GALNT18: variants seen among roughly 807,000 people sequenced by gnomAD.
GALNT18 encodes the protein GalNAc-transferase 18.
In GALNT18, 44 loss-of-function variants were observed where a neutral mutation model predicts 69.5. The ratio of observed to expected loss-of-function variants is 0.63; its 90% CI spans 0.50 to 0.81. The LOEUF (loss-of-function observed/expected upper bound fraction) is 0.81, where lower values mean the gene tolerates loss of function less well. GALNT18 is among the 40% of genes least tolerant of loss of function. The pLI is 0.00. For missense variants in GALNT18, 715 were observed against 810.0 expected (o/e 0.88, Z 1.42); for synonymous variants, 364 against 318.2 (o/e 1.14, Z -1.53).
chr11:11,301,865 G>A (rs1047215189), intron 9 of GALNT18, among the ~76,000 whole-genome samples: 2 of 152,212 alleles, frequency 1.3e-5, no homozygotes, highest in African/African-American at 4.8e-5. Flanking sequence ...GCAGGAGGAT[G>A]GGTAGAATAT....
chr11:11,353,235 G>A (rs1850456369), intron 6 of GALNT18: 4 of 1,323,552 alleles, frequency 3.0e-6, no homozygotes, highest in Admixed American at 4.0e-5. Context: ...TCACACTGTG[G>A]TGGAAGCGGC....
At chr11:11,513,269 G>C (rs1381346072) in intron 1 of GALNT18, among the ~76,000 whole-genome samples, 2 of 152,188 alleles carry the variant, frequency 1.3e-5, no homozygotes, top group Non-Finnish European at 2.9e-5. Context: ...CCCTCCAAAG[G>C]CTGGCAGCAA....
chr11:11,427,320 CTGCCCTGTTCCTT>C (rs1291273102), intron 3 of GALNT18, among the ~76,000 whole-genome samples: 3 of 152,212 alleles, frequency 2.0e-5, no homozygotes, highest in Admixed American at 6.5e-5. Context: ...CAGTGATTGA[CTGCCCTGTTCCTT>C]TGCCCTGTTC....
chr11:11,446,087 T>C, intron 2 of GALNT18, among the ~76,000 whole-genome samples: 1 of 152,194 alleles, frequency 6.6e-6, no homozygotes, highest in Non-Finnish European at 1.5e-5. Flanking sequence ...CGATCCGGCA[T>C]CTGAGACATG....
intron 3 of GALNT18, among the ~76,000 whole-genome samples, chr11:11,425,992 CT>C (rs1043050634): frequency 1.3e-5 from 2 of 152,198 alleles, no homozygotes; most frequent in African/African-American, 4.8e-5. Context: ...AGTCTGGTAA[CT>C]GAAACCAGCA....
intron 1 of GALNT18, among the ~76,000 whole-genome samples, chr11:11,487,415 A>C (rs933394504): frequency 6.6e-6 from 1 of 152,220 alleles, no homozygotes; most frequent in Non-Finnish European, 1.5e-5. Flanking sequence ...TATGGAAATA[A>C]AAAATGTAAA....
rs985550698 is a variant in GALNT18, at chr11:11,332,238, A to G, written c.1416+456T>C. Among the ~76,000 whole-genome samples the G allele has an allele frequency of 6.6e-6, 1 of 152,100 alleles. No individual in the cohort carries two copies. Among genetic ancestry groups the G allele is most frequent in the Admixed American group, 6.5e-5 (1 of 15,270 alleles). ...CAGTACTAAAAATACAGCAAATAAA[A>G]TAAATTCAAGATGGCTCTGTCTCTA... is the stretch of plus-strand genomic sequence containing the variant. On this transcript the variant is annotated intron_variant, in intron 8 of 10. Coordinates refer to ENST00000227756, the MANE Select transcript of GALNT18 (RefSeq NM_198516.3). The surrounding 1 kb of genome is among the most constrained non-coding windows in gnomAD (Gnocchi z 4.3).
intron 1 of GALNT18, among the ~76,000 whole-genome samples, chr11:11,530,793 G>A (rs924454397): frequency 2.6e-5 from 4 of 152,306 alleles, no homozygotes; most frequent in East Asian, 3.9e-4. Context: ...CACCACAAAC[G>A]TACTGTCCAC....
intron 3 of GALNT18, among the ~76,000 whole-genome samples, chr11:11,424,443 A>G (rs1446427833): frequency 6.6e-6 from 1 of 151,732 alleles, no homozygotes; most frequent in African/African-American, 2.4e-5. Context: ...TCTTTTTTAG[A>G]CCCTCTGAGA....
In GALNT18 at chr11:11,389,429, C is replaced by T. The variant is rs1854128580; in HGVS notation, c.596-10165G>A. ...ATGACCTTGGCAAAGGGCCACCTCG[C>T]CTTTGTACTTCCTGGGGCTGTGTGA... On this transcript the variant is annotated intron_variant, in intron 3 of 10. Coordinates refer to ENST00000227756, the MANE Select transcript of GALNT18 (RefSeq NM_198516.3). The surrounding 1 kb of genome is among the most constrained non-coding windows in gnomAD (Gnocchi z 4.3). Among the ~76,000 whole-genome samples the T allele has an allele frequency of 6.6e-6, 1 of 152,194 alleles. No homozygotes were observed. The highest frequency in any genetic ancestry group is 1.5e-5 in the Non-Finnish European group (1 of 68,040).
chr11:11,345,834 G>T lies in GALNT18; in HGVS notation c.1093-4830C>A, dbSNP rs541378434. Among the ~76,000 whole-genome samples, 72 of 152,264 alleles carry T rather than the reference G, an allele frequency of 4.7e-4. 1 individual carries two copies. The South Asian group carries it at 0.015, about 31-fold the overall frequency. On this transcript the variant is annotated intron_variant, in intron 6 of 10. Coordinates refer to ENST00000227756, the MANE Select transcript of GALNT18 (RefSeq NM_198516.3). ...AAGGCAGGTGTGGTCGCAGGGAACA[G>T]GGCACAGGAAGAAACCACCAAGATG... is the stretch of plus-strand genomic sequence containing the variant.
intron 9 of GALNT18, among the ~76,000 whole-genome samples, chr11:11,296,530 A>C (rs186622271): frequency 6.6e-6 from 1 of 152,306 alleles, no homozygotes; most frequent in East Asian, 1.9e-4. Context: ...GGAGCCAGTC[A>C]TTCCCATGTT....
chr11:11,508,333 T>C (rs1454405844), intron 1 of GALNT18, among the ~76,000 whole-genome samples: 2 of 152,218 alleles, frequency 1.3e-5, no homozygotes, highest in Non-Finnish European at 2.9e-5. Context: ...TTAATATCTC[T>C]TTATTAGATT....
intron 5 of GALNT18, among the ~76,000 whole-genome samples, chr11:11,373,583 A>C (rs780450544): frequency 7.9e-5 from 12 of 152,206 alleles, no homozygotes; most frequent in Non-Finnish European, 1.5e-4. Flanking sequence ...GCTTAGGTAC[A>C]TGGCCTGGGT....
intron 1 of GALNT18, among the ~76,000 whole-genome samples, chr11:11,528,820 G>C (rs1857577128): frequency 6.6e-6 from 1 of 152,242 alleles, no homozygotes; most frequent in African/African-American, 2.4e-5. Context: ...TATAGGGGAA[G>C]AGGGCATGGG....
chr11:11,339,277 G>T lies in GALNT18; in HGVS notation c.1278+1542C>A, dbSNP rs774579777. ...ATTTGAACTACCACCTTGAGGAGTC[G>T]CAGACAGACACTGAATTTCATCATT... On this transcript the variant is annotated intron_variant, in intron 7 of 10. Coordinates refer to ENST00000227756, the MANE Select transcript of GALNT18 (RefSeq NM_198516.3). The surrounding 1 kb of genome is among the most constrained non-coding windows in gnomAD (Gnocchi z 5.2). 6.6e-6 allele frequency among the ~76,000 whole-genome samples: 1 copy of T among 152,072 alleles called. No individual in the cohort carries two copies. Among genetic ancestry groups the T allele is most frequent in the Admixed American group, 6.5e-5 (1 of 15,274 alleles).
rs147116879 is a variant in GALNT18, at chr11:11,565,165, C to G, written c.235+56194G>C. On this transcript the variant is annotated intron_variant, in intron 1 of 10. Coordinates refer to ENST00000227756, the MANE Select transcript of GALNT18 (RefSeq NM_198516.3). The stretch of plus-strand genomic sequence containing the variant: ...TCACTGTTTGCCTCCACTGCCTCAT[C>G]TGGAGCATGGGGACAGTGCCCTGTT... Among the ~76,000 whole-genome samples, 15 of 152,364 alleles carry G rather than the reference C, an allele frequency of 9.8e-5. No individual in the cohort carries two copies. The East Asian group carries it at 2.9e-3, about 29-fold the overall frequency.
At chr11:11,328,838 G>T (rs1849970822) in intron 8 of GALNT18, among the ~76,000 whole-genome samples, 1 of 152,190 alleles carries the variant, frequency 6.6e-6, no homozygotes, top group South Asian at 2.1e-4. Flanking sequence ...AACCCACTAG[G>T]AAAATCTGCT....
chr11:11,593,219 A>G lies in GALNT18; in HGVS notation c.235+28140T>C, dbSNP rs143547466. On this transcript the variant is annotated intron_variant, in intron 1 of 10. Coordinates refer to ENST00000227756, the MANE Select transcript of GALNT18 (RefSeq NM_198516.3). ...ATGCAGCTCCCTTTAGGCAAGACGT[A>G]CAGTCTTTACTTCTCTACAGGTTAT... is the stretch of plus-strand genomic sequence containing the variant. 7.0e-3 allele frequency among the ~76,000 whole-genome samples: 1,071 copies of G among 152,290 alleles called. 7 individuals carry two copies. Among genetic ancestry groups the G allele is most frequent in the Middle Eastern group, 0.024 (7 of 294 alleles).
Sources: allele counts gnomAD v4.1 joint callset (sites outside exome capture counted in the v4.1 genomes callset), GRCh38; gene constraint gnomAD v4.1.1; non-coding constraint Gnocchi (gnomAD v3.1); transcripts MANE v1.5; gene names NCBI Gene and HGNC (gene_info 2026-07-23, HGNC 2026-07-21).